The following LSP1 variants were observed in gnomAD, a reference collection of about 807,000 sequenced individuals.
LSP1 encodes the protein lymphocyte-specific protein 1.
A neutral mutation model predicts 49.3 loss-of-function variants in LSP1; 32 were observed. The observed-to-expected ratio is 0.65, with a 90% CI of 0.49 to 0.87. LSP1 has a LOEUF of 0.87. Ranked by LOEUF, LSP1 falls within the 40% of genes least tolerant of loss-of-function variation. The pLI is 0.00. For missense variants in LSP1, 428 were observed against 442.6 expected (o/e 0.97, Z 0.30); for synonymous variants, 179 against 178.8 (o/e 1.00, Z -0.01).
intron 10 of LSP1, chr11:1,890,248 G>C (rs183686134): frequency 8.4e-6 from 6 of 715,704 alleles, no homozygotes; most frequent in Non-Finnish European, 1.6e-5. Flanking sequence ...TGCGGGGAGC[G>C]GGGTAGGGCA....
intron 1 of LSP1, chr11:1,869,143 A>G: frequency 2.3e-6 from 1 of 425,882 alleles, no homozygotes; most frequent in Non-Finnish European, 3.2e-6. Flanking sequence ...CCAGGCTCCA[A>G]GTGGGCTGAG....
chr11:1,890,180 G>A lies in LSP1; in HGVS notation c.*14-1593G>A, dbSNP rs1466502867. On this transcript the variant is annotated intron_variant, in intron 10 of 10. Transcript: ENST00000311604. ...CAGCTAGAATCCTGCGCTGGGTGAG[G>A]CCGATGGAGAACGTGGACTTCTGCA... 3 of 717,096 alleles carry A rather than the reference G, an allele frequency of 4.2e-6. No homozygotes were observed. The East Asian group carries it at 8.0e-5, about 19-fold the overall frequency. The allele number at this position is 717,096 out of a possible 1,614,324, so 44.4% of individuals were successfully genotyped here. A position where few individuals can be genotyped will look rare whatever the true frequency, so the allele number is the denominator to read the frequency against.
intron 1 of LSP1, among the ~76,000 whole-genome samples, chr11:1,857,727 C>T (rs565563456): frequency 4.6e-5 from 7 of 152,302 alleles, no homozygotes; most frequent in African/African-American, 1.4e-4. Context: ...TCAGACCAAG[C>T]GTTCACTCCA....
At chr11:1,862,506 C>G (rs1847668365) in intron 1 of LSP1, among the ~76,000 whole-genome samples, 1 of 152,152 alleles carries the variant, frequency 6.6e-6, no homozygotes, top group Non-Finnish European at 1.5e-5. Flanking sequence ...GGGACTCCTC[C>G]AGAAGTTAAA....
At chr11:1,868,029 G>A (rs1847850953) in intron 1 of LSP1, among the ~76,000 whole-genome samples, 1 of 152,232 alleles carries the variant, frequency 6.6e-6, no homozygotes, top group African/African-American at 2.4e-5. Flanking sequence ...CAGGCACCTG[G>A]GAGTCTGCCC....
At chr11:1,888,306 C>G (rs947909034) in intron 10 of LSP1, among the ~76,000 whole-genome samples, 39 of 152,202 alleles carry the variant, frequency 2.6e-4, no homozygotes, top group Non-Finnish European at 5.3e-4. Context: ...TCCACTCTCC[C>G]CACCAGGGCC....
intron 3 of LSP1, among the ~76,000 whole-genome samples, chr11:1,881,829 G>A (rs1176560624): frequency 7.9e-5 from 12 of 152,160 alleles, no homozygotes; most frequent in Non-Finnish European, 1.2e-4. Context: ...GGGGAGACAG[G>A]AGGGGAGGGA....
chr11:1,887,411 C>CATCTG (rs1419199943), intron 9 of LSP1, 63 bp from the exon 10 acceptor site: 3 of 1,574,828 alleles, frequency 1.9e-6, no homozygotes, highest in Non-Finnish European at 2.6e-6. Context: ...TTCCCAGAGG[C>CATCTG]GGAGGCAGCA....
At chr11:1,856,495 C>T (rs1847493282) in intron 1 of LSP1, among the ~76,000 whole-genome samples, 2 of 152,256 alleles carry the variant, frequency 1.3e-5, no homozygotes, top group African/African-American at 4.8e-5. Context: ...TCTGGCAGCA[C>T]CTGCCATGGA....
intron 1 of LSP1, among the ~76,000 whole-genome samples, chr11:1,853,405 G>T (rs1468572236): frequency 6.6e-6 from 1 of 152,204 alleles, no homozygotes; most frequent in Non-Finnish European, 1.5e-5. Context: ...CAAGGGTGGA[G>T]GTCTCTTCCG....
chr11:1,876,704 G>A (rs551276314), intron 1 of LSP1: 3 of 925,814 alleles, frequency 3.2e-6, no homozygotes, highest in African/African-American at 1.8e-5. Flanking sequence ...AGCGGGGACT[G>A]GGAGGTAGAA....
At chr11:1,867,059 G>A (rs1034909161) in intron 1 of LSP1, 6 of 826,600 alleles carry the variant, frequency 7.3e-6, no homozygotes, top group African/African-American at 1.7e-5. Flanking sequence ...CACTGAAGCC[G>A]CGTGGGCTCA....
At chr11:1,888,694 C>G (rs1170040592) in intron 10 of LSP1, 1 of 156,936 alleles carries the variant, frequency 6.4e-6, no homozygotes, top group Non-Finnish European at 1.4e-5. Flanking sequence ...GATGGCCAAG[C>G]CAGCCTGACC....
At chr11:1,869,412 G>A (rs1847900349) in intron 1 of LSP1, among the ~76,000 whole-genome samples, 1 of 152,088 alleles carries the variant, frequency 6.6e-6, no homozygotes. Context: ...AATGCTGAGA[G>A]GGAGGGAGAG....
At chr11:1,857,916 G>A (rs1477194664) in intron 1 of LSP1, among the ~76,000 whole-genome samples, 1 of 152,052 alleles carries the variant, frequency 6.6e-6, no homozygotes, top group African/African-American at 2.4e-5. Flanking sequence ...CACTGCCCCC[G>A]GCTAATTTTT....
intron 1 of LSP1, among the ~76,000 whole-genome samples, chr11:1,879,073 G>A (rs975638357): frequency 2.0e-5 from 3 of 152,154 alleles, no homozygotes; most frequent in South Asian, 2.1e-4. Flanking sequence ...GGCTGGGTGC[G>A]GTGGCTCATC....
At chr11:1,857,164 C>T (rs949644825) in intron 1 of LSP1, among the ~76,000 whole-genome samples, 4 of 152,212 alleles carry the variant, frequency 2.6e-5, no homozygotes, top group African/African-American at 9.6e-5. Context: ...CGACACCCAG[C>T]TGGGCTGGTC....
intron 1 of LSP1, among the ~76,000 whole-genome samples, chr11:1,865,637 C>T (rs919770666): frequency 1.4e-5 from 2 of 147,588 alleles, no homozygotes; most frequent in Non-Finnish European, 3.0e-5. Flanking sequence ...CCTGCACCAC[C>T]GACTGCACTG....
At chr11:1,866,705 G>T (rs539714151) in intron 1 of LSP1, 45 of 1,550,582 alleles carry the variant, frequency 2.9e-5, no homozygotes, top group Middle Eastern at 1.7e-4. Context: ...TCCACCAGGA[G>T]CTCTGTGGCC....
Sources: allele counts gnomAD v4.1 joint callset (sites outside exome capture counted in the v4.1 genomes callset), GRCh38; gene constraint gnomAD v4.1.1; transcripts MANE v1.5; gene names NCBI Gene and HGNC (gene_info 2026-07-23, HGNC 2026-07-21).